Variants in MCTP1 observed in about 807,000 individuals in gnomAD.
MCTP1 encodes multiple C2 and transmembrane domain containing 1.
In MCTP1, 69 loss-of-function variants were observed where a neutral mutation model predicts 120.6. The observed-to-expected ratio is 0.57, with a 90% CI of 0.47 to 0.70. The LOEUF (loss-of-function observed/expected upper bound fraction) is 0.70. Ranked by LOEUF, MCTP1 falls within the 30% of genes least tolerant of loss-of-function variation. MCTP1 has a pLI of 0.00. For missense variants in MCTP1, 1,203 were observed against 1,248.8 expected, an observed-to-expected ratio of 0.96 and a Z score of 0.55; for synonymous variants, 529 against 493.1, an observed-to-expected ratio of 1.07 and a Z score of -0.96.
At chr5:95,264,903 G>A (rs181761535) in intron 1 of MCTP1, among the ~76,000 whole-genome samples, 1 of 152,298 alleles carries the variant, frequency 6.6e-6, no homozygotes, top group East Asian at 1.9e-4. Context: ...GGGTGGTGGG[G>A]TAAAGACAGA....
At chr5:95,276,361 C>A (rs969414015) in intron 1 of MCTP1, among the ~76,000 whole-genome samples, 1 of 138,750 alleles carries the variant, frequency 7.2e-6, no homozygotes, top group African/African-American at 2.6e-5. Context: ...TGGGTTCAAG[C>A]GATTCTCCTG....
intron 2 of MCTP1, among the ~76,000 whole-genome samples, chr5:94,991,759 C>G (rs1008748891): frequency 6.6e-6 from 1 of 151,932 alleles, no homozygotes; most frequent in Non-Finnish European, 1.5e-5. Context: ...CGCCTGTAAT[C>G]CCAGCTACTA....
chr5:95,224,906 T>C (rs570513595), intron 1 of MCTP1, among the ~76,000 whole-genome samples: 19 of 152,308 alleles, frequency 1.2e-4, no homozygotes, highest in South Asian at 1.2e-3. Flanking sequence ...CTTTAACTTA[T>C]CAATTGAGAA....
chr5:95,001,902 C>T lies in MCTP1; in HGVS notation c.838+15465G>A, dbSNP rs141055420. The stretch of plus-strand genomic sequence containing the variant: ...CAGGGCATGTCAAAAACCTTCATGA[C>T]AGCCCCTCCCACCACAGGCTCAGAG... On this transcript the variant is annotated intron_variant, in intron 2 of 22. Coordinates refer to ENST00000515393, the MANE Select transcript of MCTP1 (RefSeq NM_024717.7). 9.7e-3 allele frequency among the ~76,000 whole-genome samples: 1,470 copies of T among 152,274 alleles called. 10 individuals are homozygous for T. The highest frequency in any genetic ancestry group is 0.014 in the Non-Finnish European group (941 of 68,010).
rs1749498054 is a variant in MCTP1 at position 95,188,673 on chromosome 5, AGGGG to A, written c.720+95179_720+95182del. On this transcript the variant is annotated intron_variant, in intron 1 of 22. Coordinates refer to ENST00000515393, the MANE Select transcript of MCTP1 (RefSeq NM_024717.7). Reference sequence around the variant, plus strand: ...GATGGAGAATATATTACTCATTTCCAGGGGTTGGGGATGGAGGAGATGTATGTGG... The same window carrying A: ...GATGGAGAATATATTACTCATTTCCATTGGGGATGGAGGAGATGTATGTGG... 3.3e-5 allele frequency among the ~76,000 whole-genome samples: 5 copies of A among 152,218 alleles called. No homozygotes were observed. The South Asian group carries it at 1.0e-3, about 32-fold the overall frequency.
chr5:94,875,795 A>C (rs1376953838), intron 12 of MCTP1, among the ~76,000 whole-genome samples: 1 of 151,768 alleles, frequency 6.6e-6, no homozygotes, highest in African/African-American at 2.4e-5. Context: ...CAAGGTGCTC[A>C]GACTAGATAT....
At chr5:95,065,942 C>T (rs1204821674) in intron 1 of MCTP1, among the ~76,000 whole-genome samples, 1 of 152,028 alleles carries the variant, frequency 6.6e-6, no homozygotes, top group Non-Finnish European at 1.5e-5. Context: ...TTTTTTATAT[C>T]GGTGTGGGCA....
chr5:95,093,252 A>C (rs1369334200), intron 1 of MCTP1, among the ~76,000 whole-genome samples: 1 of 152,214 alleles, frequency 6.6e-6, no homozygotes, highest in Non-Finnish European at 1.5e-5. Flanking sequence ...TGAGAGTGGA[A>C]CCAAGAGCTG....
At chr5:94,724,102 T>C (rs1157080795) in intron 19 of MCTP1, among the ~76,000 whole-genome samples, 2 of 152,184 alleles carry the variant, frequency 1.3e-5, no homozygotes, top group South Asian at 4.1e-4. Context: ...CCATATTAAC[T>C]TCTAATTCAA....
chr5:95,212,659 T>G (rs989798963), intron 1 of MCTP1, among the ~76,000 whole-genome samples: 5 of 151,418 alleles, frequency 3.3e-5, no homozygotes, highest in Non-Finnish European at 7.4e-5. Flanking sequence ...AAAAAGCTTA[T>G]CCACCATGAT....
rs193185171 is a variant in MCTP1, at chr5:94,878,935, T to C, written c.1934-5694A>G. On this transcript the variant is annotated intron_variant, in intron 12 of 22. Coordinates refer to ENST00000515393, the MANE Select transcript of MCTP1 (RefSeq NM_024717.7). ...ATTGGGGTGGTCAGAATGGGCCTCA[T>C]TGAGAAGGTGAGGTCTGAGCAAAGA... is the stretch of plus-strand genomic sequence containing the variant. 8.2e-4 allele frequency among the ~76,000 whole-genome samples: 124 copies of C among 151,954 alleles called. No homozygotes were observed. In the Middle Eastern group the frequency reaches 0.02, roughly 25 times the overall value.
At chr5:95,213,646 G>A (rs36150109) in intron 1 of MCTP1, among the ~76,000 whole-genome samples, 4 of 145,718 alleles carry the variant, frequency 2.7e-5, no homozygotes, top group Non-Finnish European at 6.2e-5. Flanking sequence ...AAACAGCATG[G>A]TACTGGTACC....
intron 19 of MCTP1, among the ~76,000 whole-genome samples, chr5:94,740,310 T>A (rs1765223844): frequency 6.6e-6 from 1 of 152,210 alleles, no homozygotes; most frequent in African/African-American, 2.4e-5. Flanking sequence ...TTTTTAGATA[T>A]AAATAACCAA....
chr5:95,206,961 A>C (rs1751695024), intron 1 of MCTP1, among the ~76,000 whole-genome samples: 1 of 152,198 alleles, frequency 6.6e-6, no homozygotes, highest in African/African-American at 2.4e-5. Flanking sequence ...TTCATTATAG[A>C]AGTCAAATTA....
intron 11 of MCTP1, among the ~76,000 whole-genome samples, chr5:94,893,479 G>A (rs1803156886): frequency 6.6e-6 from 1 of 152,158 alleles, no homozygotes; most frequent in Admixed American, 6.5e-5. Flanking sequence ...AGGCTCTTAG[G>A]TGGTTTAAAA....
intron 19 of MCTP1, among the ~76,000 whole-genome samples, chr5:94,756,553 T>C (rs923304673): frequency 6.6e-6 from 1 of 152,218 alleles, no homozygotes; most frequent in African/African-American, 2.4e-5. Flanking sequence ...GAATGAATTA[T>C]ACACATAGAA....
chr5:95,061,275 CATA>C (rs1351389231), intron 1 of MCTP1, among the ~76,000 whole-genome samples: 1 of 150,680 alleles, frequency 6.6e-6, no homozygotes, highest in Non-Finnish European at 1.5e-5. Context: ...AAGGGAAAAA[CATA>C]ATAATTGAAA....
At chr5:95,028,750 A>G (rs1433047351) in intron 1 of MCTP1, among the ~76,000 whole-genome samples, 1 of 152,248 alleles carries the variant, frequency 6.6e-6, no homozygotes, top group Non-Finnish European at 1.5e-5. Context: ...TGTTGAAGAA[A>G]GCACAGGTGA....
At chr5:94,947,334 T>C (rs1340175257) in intron 3 of MCTP1, among the ~76,000 whole-genome samples, 2 of 151,916 alleles carry the variant, frequency 1.3e-5, no homozygotes, top group Non-Finnish European at 2.9e-5. Flanking sequence ...TGTCCGTGCC[T>C]AATTATGCTC....
Sources: gnomAD v4.1 joint callset for allele counts (sites outside exome capture counted in the v4.1 genomes callset) on GRCh38, gnomAD v4.1.1 for gene constraint, MANE v1.5 for transcripts, NCBI Gene and HGNC (gene_info 2026-07-23, HGNC 2026-07-21) for gene names.